TMPRSS9: variants seen among roughly 807,000 people sequenced by gnomAD.
TMPRSS9 encodes transmembrane protease serine 9.
Under a neutral mutation model 111.4 loss-of-function variants are expected in TMPRSS9, and 113 were observed. The ratio of observed to expected loss-of-function variants is 1.01; its 90% CI spans 0.87 to 1.19. The LOEUF is 1.19. Among genes scored for constraint, TMPRSS9 ranks in the 50% most tolerant of loss-of-function variants. TMPRSS9 has a pLI of 0.00. For synonymous variants in TMPRSS9, 805 were observed against 659.1 expected (o/e 1.22, Z -3.39); for missense variants, 1,803 against 1,513.1 (o/e 1.19, Z -3.18).
At chr19:2,423,849 G>C (rs1971525444) in intron 14 of TMPRSS9, among the ~76,000 whole-genome samples, 1 of 152,092 alleles carries the variant, frequency 6.6e-6, no homozygotes, top group African/African-American at 2.4e-5. Flanking sequence ...CAGGGGAAAC[G>C]TATGGTCCCA....
chr19:2,418,162 G>T, intron 13 of TMPRSS9, 24 bp downstream of exon 14: 2 of 1,580,500 alleles, frequency 1.3e-6, no homozygotes. Context: ...GGGGGAAAGC[G>T]GGCAATATTT....
chr19:2,384,492 G>C lies in TMPRSS9; in HGVS notation c.-25-5269G>C, dbSNP rs141967184. On this transcript the variant is annotated intron_variant, in intron 1 of 17. Transcript: ENST00000649857. Reference sequence around the variant, plus strand: ...GGAATTCGAGACCAGCCAACATGGCGAAACCCCATCTCTACTGAAAGTACA... The same window carrying C: ...GGAATTCGAGACCAGCCAACATGGCCAAACCCCATCTCTACTGAAAGTACA... Among the ~76,000 whole-genome samples, 726 of 152,162 alleles carry C rather than the reference G, an allele frequency of 4.8e-3. 3 individuals are homozygous for C. Among genetic ancestry groups the C allele is most frequent in the Middle Eastern group, 0.024 (7 of 294 alleles).
Position 2,396,534 on chromosome 19 carries a change from C to A in TMPRSS9, c.143-5C>A, listed in dbSNP as rs747115337. ...CTCTCTCACGGGCCCTGGTCTCGTC[C>A]CCAGCCTTCCTCTCTACACAGGGCT... is the stretch of plus-strand genomic sequence containing the variant. On this transcript the variant is annotated splice_region_variant and splice_polypyrimidine_tract_variant and intron_variant, in intron 1 of 17. Coordinates refer to ENST00000648592, the Ensembl canonical transcript of TMPRSS9. The A allele has an allele frequency of 6.3e-7, 1 of 1,598,484 alleles. No individual in the cohort carries two copies. Among genetic ancestry groups the A allele is most frequent in the Non-Finnish European group, 8.5e-7 (1 of 1,171,322 alleles).
At chr19:2,365,510 A>G (rs1177915703) in intron 1 of TMPRSS9, among the ~76,000 whole-genome samples, 4 of 152,166 alleles carry the variant, frequency 2.6e-5, no homozygotes, top group African/African-American at 7.2e-5. Context: ...TGTCTGTTCT[A>G]TAAACGGGCT....
intron 6 of TMPRSS9, among the ~76,000 whole-genome samples, chr19:2,403,734 C>G (rs1970905522): frequency 6.6e-6 from 1 of 151,794 alleles, no homozygotes; most frequent in South Asian, 2.1e-4. Context: ...TGGCTCACAC[C>G]TGTAATCCCA....
At chr19:2,420,407 A>T (rs1971436091) in intron 13 of TMPRSS9, among the ~76,000 whole-genome samples, 1 of 143,648 alleles carries the variant, frequency 7.0e-6, no homozygotes, top group African/African-American at 2.6e-5. Context: ...ATGTCACTGC[A>T]CTCCAGCCCG....
Position 2,426,183 on chromosome 19 carries a change from G to A in TMPRSS9, c.*95G>A, listed in dbSNP as rs577927267. The A allele has an allele frequency of 2.6e-4, 249 of 949,598 alleles. 4 individuals carry two copies. In the South Asian group the frequency reaches 3.4e-3, roughly 13 times the overall value. The allele number at this position is 949,598 out of a possible 1,614,324, so 58.8% of individuals were successfully genotyped here. A position where few individuals can be genotyped will look rare whatever the true frequency, so the allele number is the denominator to read the frequency against. Reference sequence around the variant, plus strand: ...ACCCCACCGTACCCTACCCAAGGACGGGTGTGGGGGGGCTGTGGGTCATGG... The same window carrying A: ...ACCCCACCGTACCCTACCCAAGGACAGGTGTGGGGGGGCTGTGGGTCATGG... On this transcript the variant is annotated 3_prime_UTR_variant, in exon 18 of 18. Transcript: ENST00000648592.
intron 8 of TMPRSS9, among the ~76,000 whole-genome samples, chr19:2,409,441 C>CA (rs1480539491): frequency 6.6e-6 from 1 of 151,934 alleles, no homozygotes; most frequent in Non-Finnish European, 1.5e-5. Flanking sequence ...CTCACCCGGC[C>CA]AAAAAAATTG....
chr19:2,416,749 A>G, exon 12 of TMPRSS9: 1 of 1,613,012 alleles, frequency 6.2e-7, no homozygotes, highest in East Asian at 2.2e-5. Context: ...GGCCATCCAG[A>G]AGTTCCCTGT....
At chr19:2,388,621 T>G (rs143874182), upstream of TMPRSS9, among the ~76,000 whole-genome samples, 1 of 152,062 alleles carries the variant, frequency 6.6e-6, no homozygotes, top group South Asian at 2.1e-4. Context: ...CAATCAGTAT[T>G]CCATTTTTAA....
At chr19:2,362,294 GTA>G (rs1483920681) in intron 1 of TMPRSS9, among the ~76,000 whole-genome samples, 1 of 152,002 alleles carries the variant, frequency 6.6e-6, no homozygotes. Context: ...GTGTGGTTGC[GTA>G]TAGTTATGTC....
chr19:2,376,496 G>C (rs1186135060), intron 1 of TMPRSS9, among the ~76,000 whole-genome samples: 2 of 151,716 alleles, frequency 1.3e-5, no homozygotes, highest in Non-Finnish European at 2.9e-5. Flanking sequence ...GTCTTGTTCT[G>C]TTGCCCAGGC....
At position 2,407,981 on chromosome 19, in the gene TMPRSS9, A is replaced by G. The variant is rs1971006554; in HGVS notation, c.843-375A>G. On this transcript the variant is annotated intron_variant, in intron 7 of 17. Transcript: ENST00000648592. The stretch of plus-strand genomic sequence containing the variant: ...GTATTTTTAGTAGAGATGGGGTTTC[A>G]CCATCTTGGCCAGGCTGGTCTTGAA... Among the ~76,000 whole-genome samples, 3 of 151,856 alleles carry G rather than the reference A, an allele frequency of 2.0e-5. No homozygotes were observed. In the South Asian group the frequency reaches 6.2e-4, roughly 32 times the overall value.
intron 1 of TMPRSS9, among the ~76,000 whole-genome samples, chr19:2,368,774 G>GTTTGTTTTTTTTTTTTTT (rs1970265977): frequency 2.8e-5 from 2 of 70,366 alleles, no homozygotes; most frequent in African/African-American, 1.2e-4. Flanking sequence ...GATAAACCCA[G>GTTTGTTTTTTTTTTTTTT]TTTTTTTTTT....
At chr19:2,368,254 C>T (rs1568465262) in intron 1 of TMPRSS9, among the ~76,000 whole-genome samples, 1 of 151,598 alleles carries the variant, frequency 6.6e-6, no homozygotes, top group Non-Finnish European at 1.5e-5. Flanking sequence ...TAAGCAGTTC[C>T]AGGCTCTGCA....
intron 1 of TMPRSS9, among the ~76,000 whole-genome samples, chr19:2,364,843 C>T (rs955879550): frequency 2.0e-5 from 3 of 151,878 alleles, no homozygotes; most frequent in Non-Finnish European, 2.9e-5. Context: ...AAAAATTAGC[C>T]GGGCCTGGTG....
chr19:2,423,495 A>C (rs1200076064), intron 14 of TMPRSS9, among the ~76,000 whole-genome samples: 1 of 86,620 alleles, frequency 1.2e-5, no homozygotes, highest in African/African-American at 4.7e-5. Flanking sequence ...CAGGGAAGCC[A>C]GCTGGGTGGT....
chr19:2,368,412 A>C (rs2145242311), intron 1 of TMPRSS9, among the ~76,000 whole-genome samples: 1 of 151,506 alleles, frequency 6.6e-6, no homozygotes, highest in Admixed American at 6.6e-5. Context: ...GTGCCTTTGA[A>C]GGCACTGAGG....
intron 1 of TMPRSS9, among the ~76,000 whole-genome samples, chr19:2,391,837 G>A (rs2145288664): frequency 6.6e-6 from 1 of 150,658 alleles, no homozygotes; most frequent in East Asian, 2.0e-4. Flanking sequence ...CACCACCCAG[G>A]TTCAAGCGAT....
Sources: allele counts gnomAD v4.1 joint callset (sites outside exome capture counted in the v4.1 genomes callset), GRCh38; gene constraint gnomAD v4.1.1; transcripts MANE v1.5; gene names NCBI Gene and HGNC (gene_info 2026-07-23, HGNC 2026-07-21).